CCDC170: variants seen among roughly 807,000 people sequenced by gnomAD.
CCDC170 encodes the protein coiled-coil domain-containing protein 170.
In CCDC170, 69 loss-of-function variants were observed where a neutral mutation model predicts 72.6. That is an observed-to-expected ratio of 0.95 (90% CI 0.78 to 1.16). The LOEUF is 1.16. CCDC170 is among the 50% of genes most tolerant of loss of function. CCDC170 has a pLI of 0.00. For synonymous variants in CCDC170, 300 were observed against 303.9 expected, an observed-to-expected ratio of 0.99 and a Z score of 0.13; for missense variants, 852 against 832.5, an observed-to-expected ratio of 1.02 and a Z score of -0.29.
chr6:151,497,126 T>C (rs558208366), intron 1 of CCDC170, among the ~76,000 whole-genome samples: 2 of 152,290 alleles, frequency 1.3e-5, no homozygotes, highest in Admixed American at 6.5e-5. Flanking sequence ...TAATGAAGAA[T>C]TGACAGTTTA....
At chr6:151,496,051 TTTTTTTTGTTTG>T (rs1203392170) in intron 1 of CCDC170, among the ~76,000 whole-genome samples, 6 of 152,100 alleles carry the variant, frequency 3.9e-5, no homozygotes, top group Non-Finnish European at 4.4e-5. Flanking sequence ...GTTCTTCACA[TTTTTTTTGTTTG>T]TTTTTTTGTT....
chr6:151,595,522 A>G (rs1397461848), intron 8 of CCDC170, among the ~76,000 whole-genome samples: 9 of 152,242 alleles, frequency 5.9e-5, no homozygotes, highest in Non-Finnish European at 1.2e-4. Context: ...CTTTAAAAAT[A>G]TATCAACTCT....
rs139481368 is a variant in CCDC170 at position 151,570,168 on chromosome 6, T to C, written c.775-3006T>C. Among the ~76,000 whole-genome samples the C allele has an allele frequency of 5.6e-3, 846 of 152,318 alleles. 4 individuals are homozygous for C. Among genetic ancestry groups the C allele is most frequent in the African/African-American group, 0.019 (776 of 41,564 alleles). Reference sequence around the variant, plus strand: ...GTTGGCTGCCAGTTGAGTTGTCTACTCCAAATTGACAGTAACTCCATAAGT... The same window carrying C: ...GTTGGCTGCCAGTTGAGTTGTCTACCCCAAATTGACAGTAACTCCATAAGT... On this transcript the variant is annotated intron_variant, in intron 5 of 10. Transcript: ENST00000239374.
chr6:151,521,819 T>C (rs1321087159), intron 1 of CCDC170, among the ~76,000 whole-genome samples: 3 of 151,682 alleles, frequency 2.0e-5, no homozygotes, highest in East Asian at 1.9e-4. Flanking sequence ...CCGTCTCTAC[T>C]AAAAAAATAC....
At chr6:151,513,919 C>CA (rs58387477) in intron 1 of CCDC170, among the ~76,000 whole-genome samples, 2,982 of 50,586 alleles carry the variant, frequency 0.059, 81 homozygotes, top group Non-Finnish European at 0.066. Flanking sequence ...GACCCTGTCT[C>CA]AAAAAAAAAA....
intron 4 of CCDC170, among the ~76,000 whole-genome samples, chr6:151,547,237 G>T (rs1782790773): frequency 6.6e-6 from 1 of 152,214 alleles, no homozygotes; most frequent in Non-Finnish European, 1.5e-5. Context: ...GCTAGACACT[G>T]TTCTGAGTGC....
At chr6:151,524,926 A>ATTT (rs1782377387) in intron 1 of CCDC170, among the ~76,000 whole-genome samples, 24 of 121,292 alleles carry the variant, frequency 2.0e-4, no homozygotes, top group African/African-American at 3.6e-4. Flanking sequence ...ATTTAGTCTG[A>ATTT]TTCTTTTTTT....
At position 151,508,754 on chromosome 6, in the gene CCDC170, G is replaced by T. The variant is rs182496542; in HGVS notation, c.57+14569G>T. Among the ~76,000 whole-genome samples, 23 of 151,846 alleles carry T rather than the reference G, an allele frequency of 1.5e-4. No homozygotes were observed. The East Asian group carries it at 4.3e-3, about 28-fold the overall frequency. On this transcript the variant is annotated intron_variant, in intron 1 of 10. Transcript: ENST00000239374. ...AAATAGGCCGGGCGTGGTGGCTCAC[G>T]CCTGTAATCCCAGCACTTTGGGAGC... is the stretch of plus-strand genomic sequence containing the variant.
chr6:151,537,456 A>G (rs1782607389), intron 2 of CCDC170, among the ~76,000 whole-genome samples: 1 of 152,238 alleles, frequency 6.6e-6, no homozygotes, highest in African/African-American at 2.4e-5. Context: ...TATATTGTTC[A>G]GCATTTCGAT....
chr6:151,585,685 C>A (rs544773127), intron 6 of CCDC170, among the ~76,000 whole-genome samples: 10 of 152,150 alleles, frequency 6.6e-5, no homozygotes, highest in Non-Finnish European at 1.3e-4. Context: ...AAATACCAAT[C>A]GAAAAATTTA....
At chr6:151,498,028 A>G (rs988916826) in intron 1 of CCDC170, among the ~76,000 whole-genome samples, 4 of 152,064 alleles carry the variant, frequency 2.6e-5, no homozygotes, top group African/African-American at 9.7e-5. Context: ...AAGCTGTAGC[A>G]ATAGTTCTGT....
At chr6:151,540,373 C>CTTTTTT (rs779650559) in intron 3 of CCDC170, among the ~76,000 whole-genome samples, 724 of 37,976 alleles carry the variant, frequency 0.019, 230 homozygotes, top group East Asian at 0.059. Context: ...TCTGCTGCTG[C>CTTTTTT]TTTTTTTTTT....
intron 9 of CCDC170, among the ~76,000 whole-genome samples, chr6:151,604,401 A>G (rs1363995055): frequency 6.6e-6 from 1 of 152,156 alleles, no homozygotes; most frequent in East Asian, 1.9e-4. Flanking sequence ...CCTGGGGGTC[A>G]GATGGTGAAG....
intron 9 of CCDC170, among the ~76,000 whole-genome samples, chr6:151,606,677 A>T (rs1381765218): frequency 6.6e-6 from 1 of 152,084 alleles, no homozygotes; most frequent in Non-Finnish European, 1.5e-5. Flanking sequence ...TTCTTTGTTG[A>T]TTTTTCTGTC....
chr6:151,575,823 C>T (rs1366866193), intron 6 of CCDC170, among the ~76,000 whole-genome samples: 4 of 152,002 alleles, frequency 2.6e-5, no homozygotes, highest in African/African-American at 7.2e-5. Flanking sequence ...CCACCGTGCC[C>T]GGCTGCCAAG....
chr6:151,559,631 A>C (rs1783044090), intron 5 of CCDC170, among the ~76,000 whole-genome samples: 1 of 152,112 alleles, frequency 6.6e-6, no homozygotes, highest in Admixed American at 6.5e-5. Context: ...TAAATATAAG[A>C]TCATGTTGTC....
At chr6:151,566,424 T>C (rs886254773) in intron 5 of CCDC170, among the ~76,000 whole-genome samples, 5 of 152,166 alleles carry the variant, frequency 3.3e-5, no homozygotes, top group Non-Finnish European at 7.4e-5. Flanking sequence ...AATACTTTTT[T>C]CCTTATTTCC....
chr6:151,503,209 G>A (rs1006598959), intron 1 of CCDC170, among the ~76,000 whole-genome samples: 1 of 151,878 alleles, frequency 6.6e-6, no homozygotes, highest in Admixed American at 6.6e-5. Flanking sequence ...GTGAGAAATA[G>A]ATTTTTAAAA....
chr6:151,497,549 C>T (rs750212445), intron 1 of CCDC170, among the ~76,000 whole-genome samples: 1 of 152,116 alleles, frequency 6.6e-6, no homozygotes, highest in Non-Finnish European at 1.5e-5. Context: ...GTGACAAATA[C>T]TAACAGCAAT....
Sources: allele counts gnomAD v4.1 joint callset (sites outside exome capture counted in the v4.1 genomes callset), GRCh38; gene constraint gnomAD v4.1.1; transcripts MANE v1.5; gene names NCBI Gene and HGNC (gene_info 2026-07-23, HGNC 2026-07-21).